COL4A2: variants seen among roughly 807,000 people sequenced by gnomAD.
The protein encoded by COL4A2 is collagen alpha-2(IV) chain.
Under a neutral mutation model 200.2 loss-of-function variants are expected in COL4A2, and 99 were observed. The ratio of observed to expected loss-of-function variants is 0.49; its 90% CI spans 0.42 to 0.58. COL4A2 has a LOEUF of 0.58. Among genes scored for constraint, COL4A2 ranks in the 20% least tolerant of loss-of-function variants. COL4A2 has a pLI of 0.00. For synonymous variants in COL4A2, 897 were observed against 900.6 expected, an observed-to-expected ratio of 1.00 and a Z score of 0.07; for missense variants, 1,950 against 2,314.1, an observed-to-expected ratio of 0.84 and a Z score of 3.23.
At chr13:110,369,015 T>C (rs1285666241) in intron 4 of COL4A2, among the ~76,000 whole-genome samples, 3 of 152,208 alleles carry the variant, frequency 2.0e-5, no homozygotes, top group Non-Finnish European at 4.4e-5. Context: ...GAGACCATCC[T>C]GGCCAACATG....
At chr13:110,319,828 C>T (rs1885232971) in intron 3 of COL4A2, among the ~76,000 whole-genome samples, 1 of 152,226 alleles carries the variant, frequency 6.6e-6, no homozygotes, top group African/African-American at 2.4e-5. Context: ...CTTCCCTTCT[C>T]CTCCCAAGAC....
At chr13:110,414,494 C>T (rs1285871407) in intron 4 of COL4A2, among the ~76,000 whole-genome samples, 1 of 152,182 alleles carries the variant, frequency 6.6e-6, no homozygotes, top group Non-Finnish European at 1.5e-5. Flanking sequence ...AACGATCACC[C>T]GGAACCCTGT....
intron 4 of COL4A2, among the ~76,000 whole-genome samples, chr13:110,386,052 A>ACAG (rs1300874466): frequency 6.6e-6 from 1 of 151,528 alleles, no homozygotes; most frequent in Non-Finnish European, 1.5e-5. Context: ...GACCGTGGTT[A>ACAG]CGTTTTGTGG....
chr13:110,314,441 T>C (rs73619293), intron 3 of COL4A2, among the ~76,000 whole-genome samples: 14,256 of 152,242 alleles, frequency 0.094, 1,191 homozygotes, highest in East Asian at 0.38. Context: ...AACAGAAGTC[T>C]CTTCCACTTA....
intron 28 of COL4A2, among the ~76,000 whole-genome samples, chr13:110,471,451 C>T (rs534756753): frequency 2.0e-5 from 3 of 152,274 alleles, no homozygotes; most frequent in Admixed American, 6.5e-5. Flanking sequence ...GCCCTTCTGT[C>T]GCCACATGCA....
intron 27 of COL4A2, among the ~76,000 whole-genome samples, chr13:110,467,692 C>T (rs1035948247): frequency 3.3e-5 from 5 of 152,350 alleles, no homozygotes; most frequent in South Asian, 4.1e-4. Flanking sequence ...ACTGCCGTCC[C>T]GCCTGCGCTG....
At chr13:110,342,205 T>C (rs1876489109) in intron 3 of COL4A2, among the ~76,000 whole-genome samples, 1 of 152,238 alleles carries the variant, frequency 6.6e-6, no homozygotes, top group African/African-American at 2.4e-5. Context: ...ATTTGACTTA[T>C]TAGAGATGAA....
At chr13:110,368,037 C>T (rs374953238) in intron 4 of COL4A2, among the ~76,000 whole-genome samples, 1 of 152,202 alleles carries the variant, frequency 6.6e-6, no homozygotes, top group Admixed American at 6.5e-5. Context: ...GTAAATTCCT[C>T]ATCATTTAAC....
At chr13:110,486,776 G>T in intron 34 of COL4A2, among the ~76,000 whole-genome samples, 1 of 152,090 alleles carries the variant, frequency 6.6e-6, no homozygotes, top group Non-Finnish European at 1.5e-5. Flanking sequence ...TCTCTGGCGG[G>T]CAGGAGTGGG....
At chr13:110,371,905 T>C (rs1878027693) in intron 4 of COL4A2, among the ~76,000 whole-genome samples, 1 of 152,014 alleles carries the variant, frequency 6.6e-6, no homozygotes, top group Non-Finnish European at 1.5e-5. Context: ...TTTGAGACAA[T>C]AGGAACTCCA....
rs1883739453 is a variant in COL4A2 at position 110,503,834 on chromosome 13, G to C, written c.4139-13G>C. On this transcript the variant is annotated splice_polypyrimidine_tract_variant and intron_variant, in intron 43 of 47. Coordinates refer to ENST00000360467, the MANE Select transcript of COL4A2 (RefSeq NM_001846.4). Reference sequence around the variant, plus strand: ...CTTGTGTGTTTACTGGGGCCTCTCTGTTTCCCTTCCAGGTGCCCCCGGGAC... The same window carrying C: ...CTTGTGTGTTTACTGGGGCCTCTCTCTTTCCCTTCCAGGTGCCCCCGGGAC... 1.2e-6 allele frequency: 2 copies of C among 1,613,770 alleles called. No homozygotes were observed. The highest frequency in any genetic ancestry group is 1.3e-5 in the African/African-American group (1 of 74,916).
chr13:110,498,247 T>G (rs1883527391), intron 40 of COL4A2, among the ~76,000 whole-genome samples: 1 of 152,260 alleles, frequency 6.6e-6, no homozygotes, highest in Admixed American at 6.5e-5. Context: ...GGTAAAGCTC[T>G]TGCACACAGG....
At chr13:110,332,021 T>C (rs557166851) in intron 3 of COL4A2, among the ~76,000 whole-genome samples, 10 of 152,252 alleles carry the variant, frequency 6.6e-5, no homozygotes, top group Non-Finnish European at 1.5e-4. Context: ...TTATGGTTAG[T>C]GTTTTCCCAA....
At chr13:110,511,612 T>C (rs1415847690) in intron 47 of COL4A2, among the ~76,000 whole-genome samples, 1 of 152,252 alleles carries the variant, frequency 6.6e-6, no homozygotes, top group Non-Finnish European at 1.5e-5. Context: ...GTTACTGAAA[T>C]GCAGTGGATT....
intron 4 of COL4A2, among the ~76,000 whole-genome samples, chr13:110,365,805 G>A (rs911507547): frequency 3.3e-5 from 5 of 152,186 alleles, no homozygotes; most frequent in Non-Finnish European, 7.3e-5. Flanking sequence ...AGCGTTGAAG[G>A]AATGTAAAAC....
intron 4 of COL4A2, among the ~76,000 whole-genome samples, chr13:110,357,883 C>T (rs1449453516): frequency 6.6e-6 from 1 of 152,060 alleles, no homozygotes; most frequent in Non-Finnish European, 1.5e-5. Flanking sequence ...ACGGAGCTTG[C>T]GGGACTTGGA....
intron 3 of COL4A2, among the ~76,000 whole-genome samples, chr13:110,321,491 C>T (rs1305800311): frequency 6.6e-6 from 1 of 152,140 alleles, no homozygotes; most frequent in Non-Finnish European, 1.5e-5. Flanking sequence ...GCATCCCATC[C>T]TTCCCCCACC....
chr13:110,504,119 A>T, intron 44 of COL4A2, 29 bp from the exon 45 acceptor site: 1 of 1,609,558 alleles, frequency 6.2e-7, no homozygotes, highest in Middle Eastern at 1.7e-4. Context: ...GTCAGTTTCC[A>T]GCCATAACGC....
intron 17 of COL4A2, among the ~76,000 whole-genome samples, chr13:110,446,266 T>G (rs1212477283): frequency 6.6e-6 from 1 of 152,060 alleles, no homozygotes; most frequent in Admixed American, 6.5e-5. Flanking sequence ...GAAGACCAGG[T>G]GGGTGCTGCT....
Sources: gnomAD v4.1 joint callset for allele counts (sites outside exome capture counted in the v4.1 genomes callset) on GRCh38, gnomAD v4.1.1 for gene constraint, MANE v1.5 for transcripts, NCBI Gene and HGNC (gene_info 2026-07-23, HGNC 2026-07-21) for gene names.